RAB11FIP3: variants seen among roughly 807,000 people sequenced by gnomAD.
RAB11FIP3 encodes the protein RAB11 family interacting protein 3.
RAB11FIP3 carries 17 observed loss-of-function variants against 77.8 expected under a neutral mutation model. That is an observed-to-expected ratio of 0.22 (90% CI 0.15 to 0.33). The LOEUF (loss-of-function observed/expected upper bound fraction) is 0.33. Ranked by LOEUF, RAB11FIP3 falls within the 10% of genes least tolerant of loss-of-function variation. The pLI, the probability that RAB11FIP3 is intolerant of heterozygous loss-of-function variation, is 1.00. For missense variants in RAB11FIP3, 1,005 were observed against 1,011.2 expected (o/e 0.99, Z 0.08); for synonymous variants, 437 against 448.2 (o/e 0.98, Z 0.31).
intron 9 of RAB11FIP3, among the ~76,000 whole-genome samples, chr16:513,731 C>T (rs1048266373): frequency 5.9e-5 from 9 of 152,196 alleles, no homozygotes; most frequent in African/African-American, 2.2e-4. Flanking sequence ...CTAAGAAGAG[C>T]TCCTAGGCAT....
intron 4 of RAB11FIP3, 89 bp from the exon 5 acceptor site, chr16:488,762 C>G: frequency 7.3e-7 from 1 of 1,361,524 alleles, no homozygotes; most frequent in South Asian, 1.5e-5. Context: ...TGGCTTGTAG[C>G]ACACCCTATG....
intron 4 of RAB11FIP3, among the ~76,000 whole-genome samples, chr16:487,222 C>G (rs1419193797): frequency 2.0e-5 from 3 of 151,914 alleles, no homozygotes; most frequent in African/African-American, 7.3e-5. Context: ...TCTCCGCCTC[C>G]CAGGTTCACA....
chr16:489,033 C>G (rs749311559), intron 5 of RAB11FIP3, 33 bp downstream of exon 5: 7 of 1,598,956 alleles, frequency 4.4e-6, no homozygotes, highest in Non-Finnish European at 6.0e-6. Context: ...CACCCTCCTC[C>G]CTCTTCTTCC....
Position 491,166 on chromosome 16 carries a change from T to C in RAB11FIP3, c.1265+2166T>C. 2.3e-6 allele frequency: 3 copies of C among 1,303,970 alleles called. No homozygotes were observed. In the South Asian group the frequency reaches 3.7e-5, roughly 16 times the overall value. The allele number at this position is 1,303,970 out of a possible 1,614,324, so 80.8% of individuals were successfully genotyped here. On this transcript the variant is annotated intron_variant, in intron 5 of 13. Transcript: ENST00000262305. ...CCTCTTGCCGCAAAGCTGCACAGCA[T>C]CCTCACTGATGAGGCGTTTGAGTTT...
rs1008930454 is a variant in RAB11FIP3, at chr16:505,812, G to A, written c.1499+185G>A. On this transcript the variant is annotated intron_variant, in intron 8 of 13. Coordinates refer to ENST00000262305, the MANE Select transcript of RAB11FIP3 (RefSeq NM_014700.4). The surrounding 1 kb of genome is among the most constrained non-coding windows in gnomAD (Gnocchi z 4.0). ...CCTACCCAGTGGGCTGCAGGCAGGC[G>A]ACCCGAGGCTCTGACTGGTGCTCTC... Among the ~76,000 whole-genome samples, 3 of 152,180 alleles carry A rather than the reference G, an allele frequency of 2.0e-5. No homozygotes were observed. The highest frequency in any genetic ancestry group is 4.4e-5 in the Non-Finnish European group (3 of 68,028).
chr16:454,801 C>G (rs1362279586), intron 1 of RAB11FIP3, among the ~76,000 whole-genome samples: 1 of 152,070 alleles, frequency 6.6e-6, no homozygotes, highest in African/African-American at 2.4e-5. Flanking sequence ...AATCCCAGTA[C>G]TTTGGAAGGC....
chr16:454,541 C>T (rs760174364), intron 1 of RAB11FIP3, among the ~76,000 whole-genome samples: 2 of 152,004 alleles, frequency 1.3e-5, no homozygotes, highest in Non-Finnish European at 2.9e-5. Context: ...TTGTAGACCT[C>T]ATCTCATATT....
chr16:454,120 G>C (rs1459930654), intron 1 of RAB11FIP3, among the ~76,000 whole-genome samples: 4 of 152,158 alleles, frequency 2.6e-5, no homozygotes, highest in Admixed American at 2.0e-4. Flanking sequence ...GAAGCATCCA[G>C]TAGGCGGGTC....
rs1339846526 is a variant in RAB11FIP3, at chr16:463,533, G to A, written c.808+2036G>A. 2.7e-5 allele frequency among the ~76,000 whole-genome samples: 4 copies of A among 150,586 alleles called. No individual in the cohort carries two copies. The East Asian group carries it at 7.8e-4, about 29-fold the overall frequency. On this transcript the variant is annotated intron_variant, in intron 2 of 13. Coordinates refer to ENST00000262305, the MANE Select transcript of RAB11FIP3 (RefSeq NM_014700.4). The stretch of plus-strand genomic sequence containing the variant: ...GTCTCACTGCAACCTCCGCCTCTCG[G>A]GTTCAAGCGATTCTCCTGCCTCAGC...
At chr16:479,939 C>T (rs1253537530) in intron 3 of RAB11FIP3, among the ~76,000 whole-genome samples, 3 of 151,328 alleles carry the variant, frequency 2.0e-5, no homozygotes, top group East Asian at 3.9e-4. Flanking sequence ...ACAAAAATTA[C>T]TCAGAGTACC....
chr16:455,648 TGCAGTGAC>T (rs1567366500), intron 1 of RAB11FIP3, among the ~76,000 whole-genome samples: 1 of 152,110 alleles, frequency 6.6e-6, no homozygotes, highest in African/African-American at 2.4e-5. Flanking sequence ...CCACGTGGAA[TGCAGTGAC>T]GCAATCATGG....
intron 6 of RAB11FIP3, among the ~76,000 whole-genome samples, chr16:500,832 A>C (rs985608601): frequency 1.3e-5 from 2 of 151,852 alleles, no homozygotes; most frequent in African/African-American, 4.8e-5. Flanking sequence ...TGTGTCCCCG[A>C]GTCAGCCCCA....
At chr16:502,942 C>A in intron 6 of RAB11FIP3, 62 bp from the exon 7 acceptor site, 1 of 1,325,198 alleles carries the variant, frequency 7.5e-7, no homozygotes, top group Non-Finnish European at 1.1e-6. Context: ...AGTGCTTGTG[C>A]TGACGGAGCA....
chr16:484,476 C>T (rs1188602380), intron 4 of RAB11FIP3, among the ~76,000 whole-genome samples: 3 of 152,100 alleles, frequency 2.0e-5, no homozygotes, highest in Non-Finnish European at 2.9e-5. Context: ...CTCAGCCTCC[C>T]GGGTAGCTGG....
intron 1 of RAB11FIP3, among the ~76,000 whole-genome samples, chr16:432,624 G>T: frequency 6.9e-6 from 1 of 144,864 alleles, no homozygotes; most frequent in Non-Finnish European, 1.5e-5. Flanking sequence ...GTGTGTGACA[G>T]GGTCTCGCTC....
At chr16:474,765 C>T (rs2055869564) in intron 3 of RAB11FIP3, 4 of 1,354,310 alleles carry the variant, frequency 3.0e-6, no homozygotes, top group Non-Finnish European at 3.8e-6. Flanking sequence ...GTTTTCAGCC[C>T]TGACTGACTA....
chr16:459,021 A>G (rs757109555), intron 1 of RAB11FIP3, among the ~76,000 whole-genome samples: 3 of 152,114 alleles, frequency 2.0e-5, no homozygotes, highest in Admixed American at 2.0e-4. Flanking sequence ...ATTTCAGTAC[A>G]TGTGTCTAAA....
rs938055350 is a variant in RAB11FIP3, at chr16:445,439, CAAAATA to C, written c.715-15948_715-15943del. 1.2e-3 allele frequency among the ~76,000 whole-genome samples: 187 copies of C among 150,558 alleles called. 3 individuals carry two copies. The highest frequency in any genetic ancestry group is 4.3e-3 in the African/African-American group (174 of 40,164). On this transcript the variant is annotated intron_variant, in intron 1 of 13. Coordinates refer to ENST00000262305, the MANE Select transcript of RAB11FIP3 (RefSeq NM_014700.4). Reference sequence around the variant, plus strand: ...GGGTGACAGAGCAAGACTCTTGTCTCAAAATAAAAATAAAAATAAAAAAAGATTGGG... The same window carrying C: ...GGGTGACAGAGCAAGACTCTTGTCTCAAAATAAAAATAAAAAAAGATTGGG...
Position 505,303 on chromosome 16 carries a change from G to A in RAB11FIP3, c.1396-221G>A, listed in dbSNP as rs1415596852. The stretch of plus-strand genomic sequence containing the variant: ...AGCCCTCAGAGCTGCGGCACTGTGT[G>A]CATTTGTGGGTCGAATGACAGTGCT... On this transcript the variant is annotated intron_variant, in intron 7 of 13. Coordinates refer to ENST00000262305, the MANE Select transcript of RAB11FIP3 (RefSeq NM_014700.4). The surrounding 1 kb of genome is among the most constrained non-coding windows in gnomAD (Gnocchi z 4.0). Among the ~76,000 whole-genome samples the A allele has an allele frequency of 6.6e-6, 1 of 152,124 alleles. No homozygotes were observed. Among genetic ancestry groups the A allele is most frequent in the African/African-American group, 2.4e-5 (1 of 41,416 alleles).
Sources: gnomAD v4.1 joint callset for allele counts (sites outside exome capture counted in the v4.1 genomes callset) on GRCh38, gnomAD v4.1.1 for gene constraint, Gnocchi (gnomAD v3.1) non-coding constraint, MANE v1.5 for transcripts, NCBI Gene and HGNC (gene_info 2026-07-23, HGNC 2026-07-21) for gene names.